The following TSKS variants were observed in gnomAD, a reference collection of about 807,000 sequenced individuals.
TSKS encodes testis specific serine kinase substrate, also known as testis-specific serine kinase substrate.
In TSKS, 27 loss-of-function variants were observed where a neutral mutation model predicts 68.0. That is an observed-to-expected ratio of 0.40 (90% confidence interval 0.29 to 0.55). TSKS has a LOEUF of 0.55. TSKS is among the 20% of genes least tolerant of loss of function. The pLI, the probability that TSKS is intolerant of heterozygous loss-of-function variation, is 0.53. For missense variants in TSKS, 806 were observed against 776.0 expected, an observed-to-expected ratio of 1.04 and a Z score of -0.46; for synonymous variants, 331 against 340.4, an observed-to-expected ratio of 0.97 and a Z score of 0.30.
Position 49,746,810 on chromosome 19 carries a change from G to A in TSKS, c.664-12C>T. 6.3e-7 allele frequency: 1 copy of A among 1,596,244 alleles called. No homozygotes were observed. The highest frequency in any genetic ancestry group is 8.5e-7 in the Non-Finnish European group (1 of 1,178,332). On this transcript the variant is annotated splice_polypyrimidine_tract_variant and intron_variant, in intron 5 of 10. Coordinates refer to ENST00000246801, the MANE Select transcript of TSKS (RefSeq NM_021733.2). ...TAGCGCAGCTTCTCCTGGGTGGTAA[G>A]GGAGGACGGGGTCACAGCGTCCAGC...
At chr19:49,746,330 G>GCTTCT in intron 6 of TSKS, 140 bp downstream of exon 6, 1 of 982,216 alleles carries the variant, frequency 1.0e-6, no homozygotes, top group Non-Finnish European at 1.5e-6. Flanking sequence ...AGGTCCCCGA[G>GCTTCT]GCTCCACCCA....
At chr19:49,745,911 C>G (rs946100161) in intron 6 of TSKS, among the ~76,000 whole-genome samples, 2 of 152,186 alleles carry the variant, frequency 1.3e-5, no homozygotes, top group Admixed American at 6.5e-5. Flanking sequence ...AGGCCGGGCG[C>G]GGTGGCTCAC....
chr19:49,745,729 T>G (rs10405801), intron 6 of TSKS, among the ~76,000 whole-genome samples: 9,315 of 151,848 alleles, frequency 0.061, 312 homozygotes, highest in East Asian at 0.097. Flanking sequence ...CCAGGACCAC[T>G]CCTCTCCTAA....
Position 49,749,065 on chromosome 19 carries a change from GA to G in TSKS, c.400-597del, listed in dbSNP as rs140446292. Among the ~76,000 whole-genome samples, 715 of 146,598 alleles carry G rather than the reference GA, an allele frequency of 4.9e-3. 8 individuals carry two copies. Among genetic ancestry groups the G allele is most frequent in the African/African-American group, 0.016 (644 of 39,986 alleles). On this transcript the variant is annotated intron_variant, in intron 2 of 10. Transcript: ENST00000246801. ...GCGACAGAGCGAGTCTCCGTCTAAA[GA>G]AAAAAAAAAGTCCTTGGGGTCCACA...
At chr19:49,747,682 G>A (rs958849015) in intron 4 of TSKS, among the ~76,000 whole-genome samples, 2 of 151,926 alleles carry the variant, frequency 1.3e-5, no homozygotes, top group Admixed American at 6.6e-5. Flanking sequence ...ACCTCTCTTC[G>A]GTCCACCCAT....
At chr19:49,746,857 TC>T (rs2084307156) in intron 5 of TSKS, 59 bp from the exon 6 acceptor site, 2 of 1,568,298 alleles carry the variant, frequency 1.3e-6, no homozygotes, top group Non-Finnish European at 8.6e-7. Context: ...CGCAACCACC[TC>T]CACCCCAAAA....
At chr19:49,751,886 G>C (rs2084353436) in intron 2 of TSKS, among the ~76,000 whole-genome samples, 1 of 106,042 alleles carries the variant, frequency 9.4e-6, no homozygotes, top group South Asian at 3.3e-4. Context: ...AACATGGTGA[G>C]ACCCCAACTC....
chr19:49,763,298 A>G lies in TSKS; in HGVS notation c.-51T>C, dbSNP rs749039320. ...GGGGCTCCTTCCTCTGAGACTTCCT[A>G]CCTACTGTGACCACAGACCCTCAGG... On this transcript the variant is annotated 5_prime_UTR_variant, in exon 1 of 11. Coordinates refer to ENST00000246801, the MANE Select transcript of TSKS (RefSeq NM_021733.2). The surrounding 1 kb of genome is among the most constrained non-coding windows in gnomAD (Gnocchi z 4.5). 1.4e-6 allele frequency: 2 copies of G among 1,463,592 alleles called. No individual in the cohort carries two copies. Among genetic ancestry groups the G allele is most frequent in the Admixed American group, 2.5e-5 (1 of 40,130 alleles). The allele number at this position is 1,463,592 out of a possible 1,614,324, so 90.7% of individuals were successfully genotyped here. A position where few individuals can be genotyped will look rare whatever the true frequency, so the allele number is the denominator to read the frequency against.
At chr19:49,742,137 A>G (rs1568559919) in intron 8 of TSKS, 117 bp from the exon 9 acceptor site, 7 of 1,169,546 alleles carry the variant, frequency 6.0e-6, no homozygotes, top group Middle Eastern at 2.9e-4. Context: ...CACCCTATGC[A>G]ACCTTCCCAG....
rs146456095 is a variant in TSKS at position 49,740,244 on chromosome 19, A to G, written c.1498-61T>C. On this transcript the variant is annotated intron_variant, in intron 9 of 10. Transcript: ENST00000246801. ...GGACTGGGCTGGGGGTGGAGGGGGA[A>G]CTGGATTGCGGAGGGCAAAGGGTAG... 8.5e-4 allele frequency: 1,322 copies of G among 1,561,700 alleles called. 11 individuals carry two copies. In the African/African-American group the frequency reaches 0.016, roughly 19 times the overall value.
rs73066031 is a variant in TSKS, at chr19:49,762,758, G to A, written c.170+320C>T. On this transcript the variant is annotated intron_variant, in intron 1 of 10. Coordinates refer to ENST00000246801, the MANE Select transcript of TSKS (RefSeq NM_021733.2). The stretch of plus-strand genomic sequence containing the variant: ...GTCTACTTTCTTCTTCTCCTTCCCC[G>A]CTGCCTACTTTCTCCTCCCTTCTCT... Among the ~76,000 whole-genome samples the A allele has an allele frequency of 3.4e-3, 521 of 151,882 alleles. 1 individual carries two copies. Among genetic ancestry groups the A allele is most frequent in the Non-Finnish European group, 5.4e-3 (365 of 67,916 alleles).
chr19:49,750,284 G>C (rs1296824320), intron 2 of TSKS, among the ~76,000 whole-genome samples: 2 of 141,494 alleles, frequency 1.4e-5, no homozygotes, highest in African/African-American at 5.3e-5. Flanking sequence ...TTTTTTGACA[G>C]AGTCTTGCTC....
rs368135717 is a variant in TSKS at position 49,762,148 on chromosome 19, G to A, written c.255C>T (p.Leu85=). Reference sequence around the variant, plus strand: ...CAGTGGGCTCCATGGCGGCCAGGTTGAGCAGTGACACGTTGGTGCAGGCCG... The same window carrying A: ...CAGTGGGCTCCATGGCGGCCAGGTTAAGCAGTGACACGTTGGTGCAGGCCG... ...RSSACTNVSL[L]NLAAMEPTDS... The change falls in exon 2 of 11, where the codon CTC becomes CTT. Residue 85 remains leucine (L), a synonymous_variant. Coordinates refer to ENST00000246801, the MANE Select transcript of TSKS (RefSeq NM_021733.2). 6.2e-7 allele frequency: 1 copy of A among 1,614,136 alleles called. No individual in the cohort carries two copies. Among genetic ancestry groups the A allele is most frequent in the Non-Finnish European group, 8.5e-7 (1 of 1,180,030 alleles).
At chr19:49,740,384 GTGTCTGTCCTAT>G in intron 9 of TSKS, 2 of 622,730 alleles carry the variant, frequency 3.2e-6, no homozygotes, top group Non-Finnish European at 5.5e-6. Context: ...GACTAAATCT[GTGTCTGTCCTAT>G]TGTCTGTCCC....
Position 49,763,065 on chromosome 19 carries a change from G to A in TSKS, c.170+13C>T. ...GCATTAGAACCATCCCTGACAGTGT[G>A]CAACAAACCCACCCGTGGAACGACA... On this transcript the variant is annotated intron_variant, in intron 1 of 10. Coordinates refer to ENST00000246801, the MANE Select transcript of TSKS (RefSeq NM_021733.2). The surrounding 1 kb of genome is among the most constrained non-coding windows in gnomAD (Gnocchi z 4.5). 6.2e-7 allele frequency: 1 copy of A among 1,609,298 alleles called. No homozygotes were observed. Among genetic ancestry groups the A allele is most frequent in the South Asian group, 1.1e-5 (1 of 90,512 alleles).
chr19:49,758,730 A>C (rs143383853), intron 2 of TSKS, among the ~76,000 whole-genome samples: 97 of 152,108 alleles, frequency 6.4e-4, no homozygotes, highest in Non-Finnish European at 1.2e-3. Flanking sequence ...AGCCCAAGGG[A>C]GTCTTGGGGA....
chr19:49,745,689 G>A (rs1337443224), intron 6 of TSKS, among the ~76,000 whole-genome samples: 1 of 152,016 alleles, frequency 6.6e-6, no homozygotes, highest in African/African-American at 2.4e-5. Context: ...CCAAGGCACT[G>A]CCCACCCTAC....
intron 4 of TSKS, 52 bp downstream of exon 4, chr19:49,748,033 T>G (rs2084317254): frequency 6.4e-7 from 1 of 1,557,156 alleles, no homozygotes; most frequent in Non-Finnish European, 8.9e-7. Flanking sequence ...TCCCACCCTC[T>G]TCTTACTCCC....
intron 7 of TSKS, 58 bp downstream of exon 7, chr19:49,745,144 T>A (rs2084285411): frequency 6.8e-7 from 1 of 1,471,820 alleles, no homozygotes; most frequent in Non-Finnish European, 9.1e-7. Flanking sequence ...GACCCCGCCC[T>A]CAGGTTGGGA....
Sources: allele counts gnomAD v4.1 joint callset (sites outside exome capture counted in the v4.1 genomes callset), GRCh38; gene constraint gnomAD v4.1.1; non-coding constraint Gnocchi (gnomAD v3.1); transcripts MANE v1.5; gene names NCBI Gene and HGNC (gene_info 2026-07-23, HGNC 2026-07-21).